XRRA1: variants seen among roughly 807,000 people sequenced by gnomAD.
The protein encoded by XRRA1 is X-ray radiation resistance associated 1.
A neutral mutation model predicts 80.2 loss-of-function variants in XRRA1; 69 were observed. The ratio of observed to expected loss-of-function variants is 0.86; its 90% CI spans 0.71 to 1.05. The LOEUF (loss-of-function observed/expected upper bound fraction) is 1.05, where lower values mean the gene tolerates loss of function less well. XRRA1 is among the 50% of genes least tolerant of loss of function. The probability of loss-of-function intolerance (pLI) is 0.00; values close to 1 mark genes in which losing one functional copy is unlikely to be tolerated. For missense variants in XRRA1, 967 were observed against 976.4 expected (o/e 0.99, Z 0.13); for synonymous variants, 348 against 389.9 (o/e 0.89, Z 1.27).
At chr11:74,891,061 GCAT>G (rs1048921207) in intron 10 of XRRA1, among the ~76,000 whole-genome samples, 83 of 150,574 alleles carry the variant, frequency 5.5e-4, no homozygotes, top group African/African-American at 2.0e-3. Context: ...TATGAGGCCA[GCAT>G]CATCCTGATA....
chr11:74,946,838 G>A (rs1591699691), intron 1 of XRRA1, among the ~76,000 whole-genome samples: 1 of 150,858 alleles, frequency 6.6e-6, no homozygotes, highest in African/African-American at 2.4e-5. Flanking sequence ...TGCAAGCTCC[G>A]CCTCCCGGGC....
At chr11:74,844,981 G>A in intron 16 of XRRA1, 92 bp downstream of exon 16, 1 of 1,344,418 alleles carries the variant, frequency 7.4e-7, no homozygotes, top group Non-Finnish European at 1.0e-6. Flanking sequence ...GTTGGGAAAA[G>A]ACAGCTTGGT....
intron 8 of XRRA1, 26 bp from the exon 9 acceptor site, chr11:74,907,299 T>A: frequency 1.2e-6 from 2 of 1,613,146 alleles, no homozygotes; most frequent in Non-Finnish European, 1.7e-6. Flanking sequence ...TCTTGGGTAA[T>A]GAGCAAGGTC....
rs901976294 is a variant in XRRA1, at chr11:74,906,311, T to G, written c.931A>C (p.Arg311=). ...EPQFMLQSKP[R]MLEDSDEQLD... Reference sequence around the variant, plus strand: ...TGCTCATCTGAGTCCTCAAGCATCCTTGGCTTGGACTGCAGCATGAATTGG... The same window carrying G: ...TGCTCATCTGAGTCCTCAAGCATCCGTGGCTTGGACTGCAGCATGAATTGG... Residue 311 remains arginine, a synonymous_variant, in exon 10 of 19, where the codon AGG becomes CGG. Coordinates refer to ENST00000684022, the MANE Select transcript of XRRA1 (RefSeq NM_001378157.1). 1 of 1,614,034 alleles carries G rather than the reference T, an allele frequency of 6.2e-7. No individual in the cohort carries two copies. Among genetic ancestry groups the G allele is most frequent in the Admixed American group, 1.7e-5 (1 of 60,020 alleles).
chr11:74,845,062 C>A lies in XRRA1; in HGVS notation c.1927+11G>T. On this transcript the variant is annotated intron_variant, in intron 16 of 18. Coordinates refer to ENST00000684022, the MANE Select transcript of XRRA1 (RefSeq NM_001378157.1). ...CCTCTTGCCCTAGAGCAAGGATATG[C>A]CCTCACATACCCTTTGGCTCAATGA... 1 of 1,611,596 alleles carries A rather than the reference C, an allele frequency of 6.2e-7. No individual in the cohort carries two copies. Among genetic ancestry groups the A allele is most frequent in the South Asian group, 1.1e-5 (1 of 91,000 alleles).
intron 10 of XRRA1, among the ~76,000 whole-genome samples, chr11:74,885,452 C>A (rs1191614605): frequency 1.3e-5 from 2 of 151,888 alleles, no homozygotes; most frequent in African/African-American, 2.4e-5. Context: ...TACGAACATA[C>A]GAGGTATAAA....
intron 8 of XRRA1, chr11:74,910,803 A>T (rs2055704049): frequency 1.3e-5 from 2 of 152,250 alleles, no homozygotes; most frequent in Admixed American, 6.5e-5. Context: ...AGCAATGAGC[A>T]GGTTTGAGAA....
intron 8 of XRRA1, among the ~76,000 whole-genome samples, chr11:74,915,441 G>A (rs551534838): frequency 6.6e-6 from 1 of 152,110 alleles, no homozygotes; most frequent in African/African-American, 2.4e-5. Context: ...CTTTCCCTTG[G>A]TGGCAGGGAT....
chr11:74,854,417 GT>G (rs1241875889), intron 12 of XRRA1, among the ~76,000 whole-genome samples: 4 of 152,198 alleles, frequency 2.6e-5, no homozygotes, highest in African/African-American at 9.7e-5. Context: ...TATAATAAGT[GT>G]TTTAGGCTTT....
intron 10 of XRRA1, among the ~76,000 whole-genome samples, chr11:74,892,095 A>G (rs1431795121): frequency 6.6e-6 from 1 of 152,216 alleles, no homozygotes; most frequent in Admixed American, 6.5e-5. Flanking sequence ...CCGCATCGCC[A>G]AGTCAATCCT....
chr11:74,892,508 G>A (rs557586516), intron 10 of XRRA1, among the ~76,000 whole-genome samples: 1,606 of 152,280 alleles, frequency 0.011, 32 homozygotes, highest in African/African-American at 0.035. Context: ...AGGACTTCAT[G>A]TCTAAAACAC....
chr11:74,878,779 T>C (rs1260432807), intron 10 of XRRA1, among the ~76,000 whole-genome samples: 4 of 151,408 alleles, frequency 2.6e-5, no homozygotes, highest in Non-Finnish European at 5.9e-5. Flanking sequence ...GTTGTAGATA[T>C]GCGGCATTAT....
At chr11:74,851,857 A>C in intron 13 of XRRA1, 132 bp downstream of exon 13, 1 of 732,676 alleles carries the variant, frequency 1.4e-6, no homozygotes, top group Non-Finnish European at 2.3e-6. Context: ...TCCATTCCTC[A>C]ATGTACCATG....
intron 10 of XRRA1, among the ~76,000 whole-genome samples, chr11:74,872,172 C>T (rs192676275): frequency 6.6e-6 from 1 of 152,250 alleles, no homozygotes; most frequent in East Asian, 1.9e-4. Context: ...GAGAGCCAAA[C>T]CTCTTCATTA....
At chr11:74,845,327 G>A (rs1449843478) in intron 15 of XRRA1, 56 bp from the exon 16 acceptor site, 1 of 1,524,110 alleles carries the variant, frequency 6.6e-7, no homozygotes, top group South Asian at 1.2e-5. Flanking sequence ...TTCATTCCAT[G>A]AACATTCGGA....
rs191638025 is a variant in XRRA1, at chr11:74,887,464, G to C, written c.1003+18775C>G. On this transcript the variant is annotated intron_variant, in intron 10 of 18. Transcript: ENST00000684022. Reference sequence around the variant, plus strand: ...GGGTGGAGCCAAGATGGCCAAATAGGAACAGCTCCAGTCTACAGCTCCCAG... The same window carrying C: ...GGGTGGAGCCAAGATGGCCAAATAGCAACAGCTCCAGTCTACAGCTCCCAG... 1.8e-4 allele frequency among the ~76,000 whole-genome samples: 27 copies of C among 152,270 alleles called. 1 individual carries two copies. The East Asian group carries it at 4.8e-3, about 27-fold the overall frequency.
intron 10 of XRRA1, among the ~76,000 whole-genome samples, chr11:74,902,796 G>A (rs956828674): frequency 6.6e-6 from 1 of 152,054 alleles, no homozygotes; most frequent in African/African-American, 2.4e-5. Flanking sequence ...CTGGGGGAGA[G>A]GTGGGGATGG....
At chr11:74,869,305 G>A (rs1411271329) in intron 10 of XRRA1, among the ~76,000 whole-genome samples, 1 of 152,100 alleles carries the variant, frequency 6.6e-6, no homozygotes, top group East Asian at 1.9e-4. Context: ...GGAGAACAAA[G>A]AGGCAACATA....
chr11:74,873,781 T>C (rs1165373210), intron 10 of XRRA1, among the ~76,000 whole-genome samples: 1 of 152,150 alleles, frequency 6.6e-6, no homozygotes, highest in Non-Finnish European at 1.5e-5. Flanking sequence ...GGGTGTAGTG[T>C]TGTCTGAAGG....
Sources: allele counts gnomAD v4.1 joint callset (sites outside exome capture counted in the v4.1 genomes callset), GRCh38; gene constraint gnomAD v4.1.1; transcripts MANE v1.5; gene names NCBI Gene and HGNC (gene_info 2026-07-23, HGNC 2026-07-21).